The following ATP13A3 variants were observed in gnomAD, a reference collection of about 807,000 sequenced individuals.
ATP13A3 encodes ATPase 13A3.
A neutral mutation model predicts 158.1 loss-of-function variants in ATP13A3; 59 were observed. That is an observed-to-expected ratio of 0.37 (90% CI 0.30 to 0.46). The LOEUF is 0.46. Among genes scored for constraint, ATP13A3 ranks in the 20% least tolerant of loss-of-function variants. The pLI, the probability that ATP13A3 is intolerant of heterozygous loss-of-function variation, is 1.00. For synonymous variants in ATP13A3, 491 were observed against 504.3 expected (o/e 0.97, Z 0.35); for missense variants, 1,166 against 1,525.2 (o/e 0.76, Z 3.92).
At chr3:194,426,472 G>C (rs117636690) in intron 29 of ATP13A3, among the ~76,000 whole-genome samples, 1 of 152,074 alleles carries the variant, frequency 6.6e-6, no homozygotes, top group African/African-American at 2.4e-5. Context: ...GGGGATGAAA[G>C]ATTAGAAATA....
intron 20 of ATP13A3, among the ~76,000 whole-genome samples, chr3:194,436,192 G>C (rs1353348694): frequency 1.3e-5 from 2 of 152,060 alleles, no homozygotes; most frequent in African/African-American, 4.8e-5. Context: ...TAGCAGGACA[G>C]CCAAGTGACA....
intron 2 of ATP13A3, among the ~76,000 whole-genome samples, chr3:194,470,151 A>C (rs1316103264): frequency 2.6e-5 from 4 of 152,042 alleles, no homozygotes; most frequent in African/African-American, 4.8e-5. Flanking sequence ...CCACTTTATC[A>C]CTTCCCATCT....
At chr3:194,456,813 A>C (rs1719263860) in intron 7 of ATP13A3, among the ~76,000 whole-genome samples, 1 of 152,122 alleles carries the variant, frequency 6.6e-6, no homozygotes, top group South Asian at 2.1e-4. Context: ...GACACATCCC[A>C]ATCTCAGAGA....
chr3:194,486,618 G>A lies in ATP13A3; in HGVS notation c.-141C>T, dbSNP rs576253872. On this transcript the variant is annotated 5_prime_UTR_variant, in exon 1 of 34. Transcript: ENST00000645319. Reference sequence around the variant, plus strand: ...CCGCCTCCTCCGCGGCCTCCCTCGCGGCCGGACCAGCCCCAGGGACCGCGG... The same window carrying A: ...CCGCCTCCTCCGCGGCCTCCCTCGCAGCCGGACCAGCCCCAGGGACCGCGG... 1 of 148,668 alleles carries A rather than the reference G, an allele frequency of 6.7e-6. No homozygotes were observed. Among genetic ancestry groups the A allele is most frequent in the South Asian group, 1.8e-4 (1 of 5,636 alleles). The allele number at this position is 148,668 out of a possible 1,614,324, so 9.2% of individuals were successfully genotyped here. A position where few individuals can be genotyped will look rare whatever the true frequency, so the allele number is the denominator to read the frequency against.
chr3:194,438,600 T>C (rs969044299), intron 17 of ATP13A3, among the ~76,000 whole-genome samples: 1 of 152,174 alleles, frequency 6.6e-6, no homozygotes, highest in African/African-American at 2.4e-5. Context: ...AATAAAGGAC[T>C]TGTGACTTCC....
chr3:194,447,802 T>A, intron 13 of ATP13A3, 50 bp downstream of exon 13: 1 of 1,464,766 alleles, frequency 6.8e-7, no homozygotes, highest in East Asian at 2.3e-5. Context: ...AATAGCTGCA[T>A]ATGATAAATA....
chr3:194,421,136 A>ACT (rs1491477047), intron 30 of ATP13A3, among the ~76,000 whole-genome samples: 1 of 3,022 alleles, frequency 3.3e-4, no homozygotes, highest in Non-Finnish European at 5.1e-4. Context: ...ATATATATAT[A>ACT]GTATATATAT....
intron 33 of ATP13A3, among the ~76,000 whole-genome samples, chr3:194,406,371 C>A (rs1714935982): frequency 6.6e-6 from 1 of 152,070 alleles, no homozygotes; most frequent in African/African-American, 2.4e-5. Context: ...TCGAGACCAG[C>A]CTGGGCAACA....
intron 2 of ATP13A3, among the ~76,000 whole-genome samples, chr3:194,470,930 C>G (rs1008590564): frequency 2.0e-5 from 3 of 152,150 alleles, no homozygotes; most frequent in African/African-American, 7.2e-5. Context: ...CTGGCACCTA[C>G]TCCTGAGATA....
chr3:194,435,568 A>G (rs1368147766), intron 20 of ATP13A3, among the ~76,000 whole-genome samples: 1 of 152,142 alleles, frequency 6.6e-6, no homozygotes, highest in Non-Finnish European at 1.5e-5. Flanking sequence ...AGCACAAGGA[A>G]CAGTCTATCC....
chr3:194,459,677 G>A lies in ATP13A3; in HGVS notation c.408+112C>T, dbSNP rs991002762. The A allele has an allele frequency of 4.9e-6, 6 of 1,215,732 alleles. No homozygotes were observed. The African/African-American group carries it at 7.7e-5, about 16-fold the overall frequency. The allele number at this position is 1,215,732 out of a possible 1,614,324, so 75.3% of individuals were successfully genotyped here. Reference sequence around the variant, plus strand: ...GTAATATGTAATATTTTATATGCAGGTAAATTTATCTCAAGCATTAACTGC... The same window carrying A: ...GTAATATGTAATATTTTATATGCAGATAAATTTATCTCAAGCATTAACTGC... On this transcript the variant is annotated intron_variant, in intron 5 of 33. Coordinates refer to ENST00000645319, the MANE Select transcript of ATP13A3 (RefSeq NM_001367549.1).
intron 2 of ATP13A3, among the ~76,000 whole-genome samples, chr3:194,474,979 T>A (rs9829648): frequency 0.11 from 17,275 of 152,074 alleles, 1,718 homozygotes; most frequent in African/African-American, 0.26. Flanking sequence ...ACACTGTAGT[T>A]GCATAATACA....
chr3:194,435,630 C>T (rs1034920300), intron 20 of ATP13A3, among the ~76,000 whole-genome samples: 4 of 151,982 alleles, frequency 2.6e-5, no homozygotes, highest in Admixed American at 6.6e-5. Context: ...TATAGGCAGC[C>T]GGGTGCAGTG....
chr3:194,438,798 T>G (rs1717842094), intron 17 of ATP13A3, 58 bp downstream of exon 17: 1 of 1,195,870 alleles, frequency 8.4e-7, no homozygotes, highest in African/African-American at 1.6e-5. Flanking sequence ...TTGAAAAAAA[T>G]TAAAAATAAA....
intron 4 of ATP13A3, among the ~76,000 whole-genome samples, chr3:194,460,381 A>G (rs551501662): frequency 6.6e-6 from 1 of 152,330 alleles, no homozygotes; most frequent in Admixed American, 6.5e-5. Flanking sequence ...TACAGTCCTA[A>G]TGGACCAGCA....
intron 9 of ATP13A3, 53 bp from the exon 10 acceptor site, chr3:194,453,831 G>A (rs1577071742): frequency 7.2e-7 from 1 of 1,394,700 alleles, no homozygotes; most frequent in Non-Finnish European, 1.0e-6. Flanking sequence ...CACTCCTCAG[G>A]AAAAAAGCCA....
In ATP13A3 at chr3:194,444,805, C is replaced by G. The variant is rs748549959; in HGVS notation, c.1498-19G>C. The stretch of plus-strand genomic sequence containing the variant: ...TTCCAGTCTAAAAAACAAAAAAGCA[C>G]ACATGCACAAAGTATGGATGATGCC... On this transcript the variant is annotated intron_variant, in intron 14 of 33. Transcript: ENST00000645319. The G allele has an allele frequency of 2.5e-6, 4 of 1,579,702 alleles. No homozygotes were observed. In the East Asian group the frequency reaches 6.8e-5, roughly 27 times the overall value.
intron 15 of ATP13A3, among the ~76,000 whole-genome samples, chr3:194,444,479 T>C (rs1392997127): frequency 1.3e-5 from 2 of 152,094 alleles, no homozygotes; most frequent in Non-Finnish European, 2.9e-5. Flanking sequence ...AGAAAAAATA[T>C]AAAATATGCA....
intron 1 of ATP13A3, among the ~76,000 whole-genome samples, chr3:194,486,138 T>C (rs967683574): frequency 4.6e-5 from 7 of 152,144 alleles, no homozygotes; most frequent in African/African-American, 1.7e-4. Flanking sequence ...GAAGTCACTT[T>C]TCCTCCACGG....
Sources: gnomAD v4.1 joint callset for allele counts (sites outside exome capture counted in the v4.1 genomes callset) on GRCh38, gnomAD v4.1.1 for gene constraint, MANE v1.5 for transcripts, NCBI Gene and HGNC (gene_info 2026-07-23, HGNC 2026-07-21) for gene names.